Variants in DCTN4 observed in about 807,000 individuals in gnomAD.
DCTN4 encodes the protein dynactin subunit 4, also known as dynactin 4 (p62).
Under a neutral mutation model 62.7 loss-of-function variants are expected in DCTN4, and 23 were observed. That is an observed-to-expected ratio of 0.37 (90% confidence interval 0.26 to 0.52). The LOEUF (loss-of-function observed/expected upper bound fraction) is 0.52, where lower values mean the gene tolerates loss of function less well. Ranked by LOEUF, DCTN4 falls within the 20% of genes least tolerant of loss-of-function variation. DCTN4 has a pLI of 0.92. For synonymous variants in DCTN4, 199 were observed against 202.1 expected, an observed-to-expected ratio of 0.98 and a Z score of 0.13; for missense variants, 514 against 580.4, an observed-to-expected ratio of 0.89 and a Z score of 1.18.
intron 11 of DCTN4, among the ~76,000 whole-genome samples, chr5:150,717,151 T>C (rs1284964127): frequency 6.6e-6 from 1 of 152,194 alleles, no homozygotes; most frequent in East Asian, 1.9e-4. Flanking sequence ...GAAAGGCTCT[T>C]GTTCTAAAAT....
chr5:150,718,341 G>C lies in DCTN4; in HGVS notation c.1006C>G (p.Leu336Val). 1 of 1,614,110 alleles carries C rather than the reference G, an allele frequency of 6.2e-7. No homozygotes were observed. Among genetic ancestry groups the C allele is most frequent in the Non-Finnish European group, 8.5e-7 (1 of 1,179,992 alleles). ...LLTLTNPVEN[L>V]THVTLFECEE... ...CACTCGAAGAGAGTCACATGGGTGA[G>C]GTTCTCAACTGGATTTGTAAGAGTC... Residue 336 changes from leucine to valine, a missense_variant, in exon 11 of 13, where the codon CTC becomes GTC. Coordinates refer to ENST00000447998, the MANE Select transcript of DCTN4 (RefSeq NM_016221.4).
At chr5:150,758,161 C>T in intron 1 of DCTN4, 3 of 985,584 alleles carry the variant, frequency 3.0e-6, no homozygotes, top group Non-Finnish European at 3.6e-6. Context: ...GTGCCAAGCG[C>T]TGCAGAAGTT....
rs540512655 is a variant in DCTN4, at chr5:150,744,523, T to TA, written c.386-2367dup. 4.6e-5 allele frequency among the ~76,000 whole-genome samples: 7 copies of TA among 152,048 alleles called. No homozygotes were observed. In the East Asian group the frequency reaches 9.7e-4, roughly 21 times the overall value. ...CAAAGTTGAAATGAAAGAAAAAACT[T>TA]AAAGGGCAGCCAGAGAGAAAGGTCA... On this transcript the variant is annotated intron_variant, in intron 3 of 12. Transcript: ENST00000447998.
chr5:150,723,571 T>C (rs1169967534), intron 8 of DCTN4, among the ~76,000 whole-genome samples: 2 of 152,232 alleles, frequency 1.3e-5, no homozygotes, highest in Non-Finnish European at 2.9e-5. Flanking sequence ...TGGGCTCAAG[T>C]AATCTTCCTG....
rs1468992799 is a variant in DCTN4, at chr5:150,729,293, T to C, written c.834+1338A>G. Among the ~76,000 whole-genome samples the C allele has an allele frequency of 2.0e-5, 3 of 152,002 alleles. No homozygotes were observed. The East Asian group carries it at 5.8e-4, about 29-fold the overall frequency. On this transcript the variant is annotated intron_variant, in intron 8 of 12. Coordinates refer to ENST00000447998, the MANE Select transcript of DCTN4 (RefSeq NM_016221.4). ...TTCTAACGTGTACAAAAATATAGAATGGTATTACAAATCTCTAGGTACCCA... is the reference window on the plus strand; with the variant it reads ...TTCTAACGTGTACAAAAATATAGAACGGTATTACAAATCTCTAGGTACCCA...
At chr5:150,733,568 G>A (rs2287662) in intron 4 of DCTN4, 93 bp from the exon 5 acceptor site, 65,535 of 790,312 alleles carry the variant, frequency 0.083, 5,032 homozygotes, top group African/African-American at 0.31. Flanking sequence ...AATGAATAGA[G>A]AAGACAAATT....
chr5:150,730,620 G>A lies in DCTN4; in HGVS notation c.834+11C>T, dbSNP rs765898823. 1.3e-4 allele frequency: 212 copies of A among 1,610,404 alleles called. No individual in the cohort carries two copies. Among genetic ancestry groups the A allele is most frequent in the Non-Finnish European group, 1.8e-4 (211 of 1,177,090 alleles). ...TGTACAAATGGTCAGTCTACAGAAT[G>A]GAATACTTACACGGCAGCGCAGGGA... On this transcript the variant is annotated intron_variant, in intron 8 of 12. Coordinates refer to ENST00000447998, the MANE Select transcript of DCTN4 (RefSeq NM_016221.4).
chr5:150,712,140 A>T (rs1043039438), intron 12 of DCTN4, among the ~76,000 whole-genome samples: 45 of 151,646 alleles, frequency 3.0e-4, no homozygotes, highest in African/African-American at 9.9e-4. Context: ...TTATTTATTT[A>T]TTTTTTTGAG....
intron 1 of DCTN4, among the ~76,000 whole-genome samples, chr5:150,757,027 T>C (rs1027762616): frequency 1.3e-5 from 2 of 152,232 alleles, no homozygotes; most frequent in South Asian, 2.1e-4. Context: ...GACAGTCTTA[T>C]TGTACTTAAA....
rs762931399 is a variant in DCTN4, at chr5:150,758,826, C to A, written c.135+33G>T. 1.6e-5 allele frequency: 25 copies of A among 1,606,634 alleles called. No homozygotes were observed. The South Asian group carries it at 2.4e-4, about 16-fold the overall frequency. ...TAGCATGAACGCCGCGCCCCCCCCA[C>A]CCCACATACTCGCTATAGGGCGACT... On this transcript the variant is annotated intron_variant, in intron 1 of 12. Coordinates refer to ENST00000447998, the MANE Select transcript of DCTN4 (RefSeq NM_016221.4).
intron 4 of DCTN4, among the ~76,000 whole-genome samples, chr5:150,734,760 G>A (rs1482579700): frequency 1.3e-5 from 2 of 152,168 alleles, no homozygotes; most frequent in Non-Finnish European, 1.5e-5. Flanking sequence ...TTGTAGCCTG[G>A]GCCAAAATCT....
intron 9 of DCTN4, among the ~76,000 whole-genome samples, chr5:150,721,196 T>C (rs1027974557): frequency 1.3e-5 from 2 of 152,178 alleles, no homozygotes; most frequent in African/African-American, 4.8e-5. Context: ...TCCCAACCTT[T>C]TTGTTTCCTA....
At chr5:150,714,042 G>A (rs1460256604) in intron 12 of DCTN4, among the ~76,000 whole-genome samples, 2 of 152,080 alleles carry the variant, frequency 1.3e-5, no homozygotes, top group East Asian at 1.9e-4. Context: ...GCTTGAACTC[G>A]GGAGGTGGAG....
chr5:150,711,740 G>A (rs1038109484), intron 12 of DCTN4, among the ~76,000 whole-genome samples: 32 of 152,150 alleles, frequency 2.1e-4, no homozygotes, highest in African/African-American at 6.5e-4. Flanking sequence ...GGCTGGTCTC[G>A]AACACCAGGG....
chr5:150,723,492 A>G (rs1474934572), intron 8 of DCTN4, among the ~76,000 whole-genome samples: 1 of 152,190 alleles, frequency 6.6e-6, no homozygotes, highest in African/African-American at 2.4e-5. Context: ...CTTTTGAGAT[A>G]GGGTATCACT....
chr5:150,756,561 A>C, intron 1 of DCTN4, 74 bp from the exon 2 acceptor site: 1 of 922,212 alleles, frequency 1.1e-6, no homozygotes, highest in Non-Finnish European at 1.6e-6. Flanking sequence ...CTTGTCAAAT[A>C]GTGAATTTTA....
intron 1 of DCTN4, 133 bp downstream of exon 1, chr5:150,758,726 G>T: frequency 1.4e-6 from 2 of 1,405,128 alleles, no homozygotes; most frequent in Non-Finnish European, 1.9e-6. Context: ...TTAAATCGCA[G>T]GCAAACCCGA....
chr5:150,742,820 T>A (rs1017225222), intron 3 of DCTN4: 1 of 153,130 alleles, frequency 6.5e-6, no homozygotes, highest in Non-Finnish European at 1.5e-5. Flanking sequence ...AAATTTACCT[T>A]GAAAAGAGCA....
At chr5:150,755,273 T>C (rs368568023) in intron 2 of DCTN4, among the ~76,000 whole-genome samples, 2 of 152,262 alleles carry the variant, frequency 1.3e-5, no homozygotes, top group African/African-American at 4.8e-5. Flanking sequence ...AGATCTTCCA[T>C]GCAAAAGAAT....
Sources: allele counts gnomAD v4.1 joint callset (sites outside exome capture counted in the v4.1 genomes callset), GRCh38; gene constraint gnomAD v4.1.1; transcripts MANE v1.5; gene names NCBI Gene and HGNC (gene_info 2026-07-23, HGNC 2026-07-21).